Variants in ARID1B observed in about 807,000 individuals in gnomAD.
The protein encoded by ARID1B is AT-rich interactive domain-containing protein 1B.
In ARID1B, 30 loss-of-function variants were observed where a neutral mutation model predicts 212.3. The ratio of observed to expected loss-of-function variants is 0.14; its 90% CI spans 0.11 to 0.19. ARID1B has a LOEUF of 0.19. Ranked by LOEUF, ARID1B falls within the 10% of genes least tolerant of loss-of-function variation. The pLI is 1.00. For synonymous variants in ARID1B, 1,402 were observed against 1,301.7 expected (o/e 1.08, Z -1.66); for missense variants, 2,891 against 3,204.0 (o/e 0.90, Z 2.36).
chr6:156,996,753 T>C (rs1214722047), intron 4 of ARID1B, among the ~76,000 whole-genome samples: 2 of 152,236 alleles, frequency 1.3e-5, no homozygotes, highest in Non-Finnish European at 2.9e-5. Flanking sequence ...AGATTTTTGC[T>C]GTATAACAAT....
At chr6:156,937,325 G>A (rs1792325963) in intron 4 of ARID1B, 1 of 152,158 alleles carries the variant, frequency 6.6e-6, no homozygotes, top group Non-Finnish European at 1.5e-5. Context: ...TGCATGGGAA[G>A]CAGGTAAACA....
At chr6:156,888,178 A>G (rs1308009274) in intron 2 of ARID1B, among the ~76,000 whole-genome samples, 1 of 152,190 alleles carries the variant, frequency 6.6e-6, no homozygotes, top group Non-Finnish European at 1.5e-5. Context: ...CTGGGTTTAT[A>G]TAGGAAAGTG....
rs1375852796 is a variant in ARID1B at position 157,203,725 on chromosome 6, C to T, written c.5264-141C>T. 4.7e-6 allele frequency: 5 copies of T among 1,070,676 alleles called. No homozygotes were observed. Among genetic ancestry groups the T allele is most frequent in the South Asian group, 1.5e-5 (1 of 66,338 alleles). The allele number at this position is 1,070,676 out of a possible 1,614,324, so 66.3% of individuals were successfully genotyped here. ...CCATTTAAAATCGGAAATGATCACG[C>T]TTAACTGTCCTTGAGAGCATTTGTT... is the stretch of plus-strand genomic sequence containing the variant. On this transcript the variant is annotated intron_variant, in intron 18 of 19. Coordinates refer to ENST00000636930, the MANE Select transcript of ARID1B (RefSeq NM_001374828.1). This position sits in a 1 kb window ranked among gnomAD's most constrained non-coding sequence, Gnocchi z 4.4.
intron 1 of ARID1B, among the ~76,000 whole-genome samples, chr6:156,792,302 T>C (rs1314175762): frequency 2.6e-5 from 4 of 152,056 alleles, no homozygotes; most frequent in African/African-American, 7.2e-5. Flanking sequence ...CAGCCCCCCC[T>C]TTTTAAAAAA....
chr6:157,069,849 A>G (rs1783901634), intron 4 of ARID1B, among the ~76,000 whole-genome samples: 1 of 152,198 alleles, frequency 6.6e-6, no homozygotes, highest in Non-Finnish European at 1.5e-5. Context: ...TTCAGCTTCT[A>G]GGACTGACTA....
chr6:157,027,519 G>A (rs539994073), intron 4 of ARID1B, among the ~76,000 whole-genome samples: 2 of 152,332 alleles, frequency 1.3e-5, no homozygotes, highest in Admixed American at 6.5e-5. Flanking sequence ...CCAAGTGACA[G>A]AGTTGGGGGC....
chr6:156,973,443 T>C (rs1049891731), intron 4 of ARID1B, among the ~76,000 whole-genome samples: 2 of 152,198 alleles, frequency 1.3e-5, no homozygotes, highest in African/African-American at 4.8e-5. Flanking sequence ...TACTTTTTAA[T>C]GCATTTTAAT....
chr6:156,839,943 C>G (rs1783778326), intron 2 of ARID1B, among the ~76,000 whole-genome samples: 1 of 152,226 alleles, frequency 6.6e-6, no homozygotes, highest in South Asian at 2.1e-4. Context: ...TGCACGCAGG[C>G]TGCAAGAGAG....
chr6:157,100,061 G>C (rs1460856063), intron 5 of ARID1B, among the ~76,000 whole-genome samples: 1 of 152,150 alleles, frequency 6.6e-6, no homozygotes, highest in African/African-American at 2.4e-5. Flanking sequence ...GACATGAAAA[G>C]GTTTATCTCT....
At chr6:156,780,087 G>A (rs1473625733) in intron 1 of ARID1B, among the ~76,000 whole-genome samples, 2 of 152,218 alleles carry the variant, frequency 1.3e-5, no homozygotes, top group Non-Finnish European at 2.9e-5. Context: ...ACGTTTGCTG[G>A]TAGGAATAAT....
At chr6:157,039,642 CTTCT>C (rs879854593) in intron 4 of ARID1B, among the ~76,000 whole-genome samples, 23,504 of 122,086 alleles carry the variant, frequency 0.19, 2,671 homozygotes, top group Non-Finnish European at 0.24. Flanking sequence ...TCCTTCCTTC[CTTCT>C]TTCCTTCCTT....
chr6:156,948,826 A>G (rs553539519), intron 4 of ARID1B, among the ~76,000 whole-genome samples: 1 of 152,262 alleles, frequency 6.6e-6, no homozygotes, highest in Non-Finnish European at 1.5e-5. Context: ...TACTTTTGGG[A>G]TACTGGTTAC....
chr6:156,987,159 C>CAGAG (rs56189333), intron 4 of ARID1B, among the ~76,000 whole-genome samples: 3,285 of 141,554 alleles, frequency 0.023, 45 homozygotes, highest in Non-Finnish European at 0.028. Context: ...GCCTCGGTGA[C>CAGAG]AGAGAGAGAG....
chr6:157,114,722 T>A (rs1034778723), intron 6 of ARID1B, among the ~76,000 whole-genome samples: 1 of 152,108 alleles, frequency 6.6e-6, no homozygotes. Flanking sequence ...TTCTTTAATG[T>A]ACCCACAGGA....
intron 8 of ARID1B, among the ~76,000 whole-genome samples, chr6:157,164,932 G>A (rs1032488160): frequency 6.6e-6 from 1 of 152,178 alleles, no homozygotes; most frequent in Admixed American, 6.5e-5. Context: ...AAACATAACC[G>A]TCCACAAGTG....
At chr6:157,019,940 A>G (rs1463061109) in intron 4 of ARID1B, among the ~76,000 whole-genome samples, 1 of 152,210 alleles carries the variant, frequency 6.6e-6, no homozygotes, top group African/African-American at 2.4e-5. Context: ...ATATGCAGCC[A>G]TTATGTTTCT....
At chr6:156,831,646 C>A (rs1055644606) in intron 2 of ARID1B, among the ~76,000 whole-genome samples, 5 of 152,200 alleles carry the variant, frequency 3.3e-5, no homozygotes, top group African/African-American at 1.2e-4. Context: ...ATAGAGTAAT[C>A]TCAATTTTCT....
Position 157,203,834 on chromosome 6 carries a change from T to C in ARID1B, c.5264-32T>C, listed in dbSNP as rs781278953. The C allele has an allele frequency of 1.2e-6, 2 of 1,613,064 alleles. No individual in the cohort carries two copies. Among genetic ancestry groups the C allele is most frequent in the African/African-American group, 2.7e-5 (2 of 75,040 alleles). The stretch of plus-strand genomic sequence containing the variant: ...CGTTCTTTCATGCATAGAGTCAACA[T>C]TCATGATATCCTTGTTCTTCCCCAT... On this transcript the variant is annotated intron_variant, in intron 18 of 19. Transcript: ENST00000636930. This position sits in a 1 kb window ranked among gnomAD's most constrained non-coding sequence, Gnocchi z 4.4.
chr6:156,931,407 C>G (rs981260983), intron 3 of ARID1B, among the ~76,000 whole-genome samples: 1 of 152,124 alleles, frequency 6.6e-6, no homozygotes, highest in Admixed American at 6.6e-5. Context: ...TATCTTTACC[C>G]TTTCCTGTAG....
Sources: gnomAD v4.1 joint callset for allele counts (sites outside exome capture counted in the v4.1 genomes callset) on GRCh38, gnomAD v4.1.1 for gene constraint, Gnocchi (gnomAD v3.1) non-coding constraint, MANE v1.5 for transcripts, NCBI Gene and HGNC (gene_info 2026-07-23, HGNC 2026-07-21) for gene names.